The following CBL variants were observed in gnomAD, a reference collection of about 807,000 sequenced individuals.
CBL encodes Cbl proto-oncogene.
In CBL, 45 loss-of-function variants were observed where a neutral mutation model predicts 96.9. The ratio of observed to expected loss-of-function variants is 0.46; its 90% CI spans 0.37 to 0.60. CBL has a LOEUF of 0.60. Ranked by LOEUF, CBL falls within the 20% of genes least tolerant of loss-of-function variation. CBL has a pLI of 0.00. For synonymous variants in CBL, 420 were observed against 426.8 expected, an observed-to-expected ratio of 0.98 and a Z score of 0.20; for missense variants, 1,024 against 1,143.5, an observed-to-expected ratio of 0.90 and a Z score of 1.51.
intron 12 of CBL, 122 bp downstream of exon 12, chr11:119,288,068 G>T: frequency 5.7e-6 from 4 of 697,968 alleles, no homozygotes; most frequent in Non-Finnish European, 1.0e-5. Context: ...GCACCATGTA[G>T]AAATGATTAT....
At chr11:119,292,465 G>C (rs1950034375) in intron 12 of CBL, among the ~76,000 whole-genome samples, 1 of 150,886 alleles carries the variant, frequency 6.6e-6, no homozygotes, top group Non-Finnish European at 1.5e-5. Context: ...CTGTCACCCA[G>C]GCTGGAGTGC....
intron 5 of CBL, among the ~76,000 whole-genome samples, chr11:119,275,293 T>C (rs1001611044): frequency 2.0e-5 from 3 of 151,782 alleles, no homozygotes; most frequent in Non-Finnish European, 4.4e-5. Flanking sequence ...ACAAAAATTA[T>C]CCAGGTGTGG....
chr11:119,278,106 A>G, intron 7 of CBL, 60 bp from the exon 8 acceptor site: 1 of 1,358,046 alleles, frequency 7.4e-7, no homozygotes, highest in East Asian at 2.5e-5. Context: ...TTTTTCTGTT[A>G]ACATTTATAA....
chr11:119,236,091 C>T (rs1949543836), intron 2 of CBL, among the ~76,000 whole-genome samples: 1 of 151,866 alleles, frequency 6.6e-6, no homozygotes, highest in Non-Finnish European at 1.5e-5. Flanking sequence ...ATAAAATTTG[C>T]CCTTTTAAAG....
In CBL at chr11:119,261,473, GTC is replaced by G. The variant is rs534493472; in HGVS notation, c.444-10259_444-10258del. Among the ~76,000 whole-genome samples, 203 of 152,248 alleles carry G rather than the reference GTC, an allele frequency of 1.3e-3. 1 individual carries two copies. Among genetic ancestry groups the G allele is most frequent in the African/African-American group, 4.7e-3 (194 of 41,540 alleles). ...TATTTGATTAGATTCTATTAGTGCT[GTC>G]TCAGTATAATTTGTATCTGTATATT... On this transcript the variant is annotated intron_variant, in intron 2 of 15. Transcript: ENST00000264033.
rs1950073066 is a variant in CBL, at chr11:119,297,561, T to A, written c.2251+80T>A. 3 of 1,047,884 alleles carry A rather than the reference T, an allele frequency of 2.9e-6. No homozygotes were observed. In the Admixed American group the frequency reaches 5.2e-5, roughly 18 times the overall value. The allele number at this position is 1,047,884 out of a possible 1,614,324, so 64.9% of individuals were successfully genotyped here. Reference sequence around the variant, plus strand: ...TGTAATATTTGGCAATTGAGATAGCTTGATCTAAGCTCAAAATTCTTCTGT... The same window carrying A: ...TGTAATATTTGGCAATTGAGATAGCATGATCTAAGCTCAAAATTCTTCTGT... On this transcript the variant is annotated intron_variant, in intron 14 of 15. Transcript: ENST00000264033.
chr11:119,298,538 C>T lies in CBL; in HGVS notation c.2432C>T (p.Thr811Ile), dbSNP rs749068285. ...GWLSLDGDPT[T>I]NVTEGSQVPE... ...TTGTCTCTGGATGGTGATCCTACAA[C>T]AAGTGAGTCTCCAGACTACTTTGGG... Residue 811 changes from threonine (T) to isoleucine (I), a missense_variant and splice_region_variant, in exon 15 of 16, where the codon ACA (threonine) becomes ATA (isoleucine). Coordinates refer to ENST00000264033, the MANE Select transcript of CBL (RefSeq NM_005188.4). 5.0e-6 allele frequency: 8 copies of T among 1,613,986 alleles called. No homozygotes were observed. The highest frequency in any genetic ancestry group is 2.7e-5 in the African/African-American group (2 of 75,046).
At chr11:119,256,334 T>C (rs1224660610) in intron 2 of CBL, among the ~76,000 whole-genome samples, 1 of 151,934 alleles carries the variant, frequency 6.6e-6, no homozygotes, top group Non-Finnish European at 1.5e-5. Context: ...CATCCGCCGC[T>C]ACGCCCAGCT....
At chr11:119,241,970 C>T (rs1260562909) in intron 2 of CBL, among the ~76,000 whole-genome samples, 1 of 152,110 alleles carries the variant, frequency 6.6e-6, no homozygotes, top group Non-Finnish European at 1.5e-5. Context: ...AGCCACTGAA[C>T]TTTTGAACAG....
At chr11:119,214,807 G>A (rs1365704562) in intron 1 of CBL, among the ~76,000 whole-genome samples, 1 of 150,232 alleles carries the variant, frequency 6.7e-6, no homozygotes, top group Non-Finnish European at 1.5e-5. Context: ...TCTCTCTCTC[G>A]CCCATTAGAG....
chr11:119,278,755 T>C (rs912257973), intron 9 of CBL, 42 bp downstream of exon 9: 7 of 1,516,850 alleles, frequency 4.6e-6, no homozygotes, highest in Non-Finnish European at 6.4e-6. Context: ...CCATTGTGAG[T>C]TGTCTTCTAA....
At chr11:119,239,964 C>T (rs1036216373) in intron 2 of CBL, among the ~76,000 whole-genome samples, 1 of 152,032 alleles carries the variant, frequency 6.6e-6, no homozygotes, top group Non-Finnish European at 1.5e-5. Context: ...AACTTGTTGA[C>T]TCATAAAATT....
intron 12 of CBL, among the ~76,000 whole-genome samples, chr11:119,291,640 C>G (rs897121431): frequency 6.6e-6 from 1 of 152,140 alleles, no homozygotes; most frequent in Non-Finnish European, 1.5e-5. Flanking sequence ...CCCAGAAGGT[C>G]GAGGCTGTAG....
In CBL at chr11:119,300,395, C is replaced by A; in HGVS notation, c.*614C>A. On this transcript the variant is annotated 3_prime_UTR_variant, in exon 16 of 16. Transcript: ENST00000264033. ...TTAGAACACCTTCTGTCTGTTCTTT[C>A]CCCATCAACTCCTTCCTCATCCTTC... is the stretch of plus-strand genomic sequence containing the variant. 2.5e-6 allele frequency: 1 copy of A among 406,472 alleles called. No individual in the cohort carries two copies. The highest frequency in any genetic ancestry group is 4.1e-5 in the Admixed American group (1 of 24,586). 25.2% of individuals were successfully genotyped at this position (406,472 alleles called of 1,614,324 possible).
In CBL at chr11:119,300,158, C is replaced by T; in HGVS notation, c.*377C>T. On this transcript the variant is annotated 3_prime_UTR_variant, in exon 16 of 16. Transcript: ENST00000264033. Reference sequence around the variant, plus strand: ...AGGATGTGGCCGTGTGTGTGTGTGTCTGCCTGTGGTTGTATGTGTCCTTGT... The same window carrying T: ...AGGATGTGGCCGTGTGTGTGTGTGTTTGCCTGTGGTTGTATGTGTCCTTGT... The T allele has an allele frequency of 2.0e-6, 1 of 509,518 alleles. No homozygotes were observed. The highest frequency in any genetic ancestry group is 3.5e-6 in the Non-Finnish European group (1 of 288,278). The allele number at this position is 509,518 out of a possible 1,614,324, so 31.6% of individuals were successfully genotyped here. A position where few individuals can be genotyped will look rare whatever the true frequency, so the allele number is the denominator to read the frequency against.
Position 119,222,499 on chromosome 11 carries a change from G to GT in CBL, c.196-9946dup, listed in dbSNP as rs540243743. ...CTGTTGGTTTCCCGGAGCTAAGCAC[G>GT]TTTCTTTTTAACATTGTTCTGAGTG... On this transcript the variant is annotated intron_variant, in intron 1 of 15. Transcript: ENST00000264033. 3.9e-3 allele frequency among the ~76,000 whole-genome samples: 598 copies of GT among 152,262 alleles called. 2 individuals carry two copies. The highest frequency in any genetic ancestry group is 6.1e-3 in the Non-Finnish European group (415 of 68,020).
chr11:119,221,480 A>G (rs1220803470), intron 1 of CBL, among the ~76,000 whole-genome samples: 1 of 151,838 alleles, frequency 6.6e-6, no homozygotes, highest in Non-Finnish European at 1.5e-5. Context: ...AAAAAGCTTC[A>G]CTATAAGCTG....
chr11:119,246,897 T>C (rs1017210651), intron 2 of CBL, among the ~76,000 whole-genome samples: 1 of 152,246 alleles, frequency 6.6e-6, no homozygotes. Flanking sequence ...TTGGAAAATA[T>C]TGATTGACTA....
chr11:119,235,755 C>T (rs1321669852), intron 2 of CBL, among the ~76,000 whole-genome samples: 5 of 152,306 alleles, frequency 3.3e-5, no homozygotes, highest in Middle Eastern at 6.8e-3. Context: ...TACCAAATGA[C>T]TTCAGTACAT....
Sources: allele counts gnomAD v4.1 joint callset (sites outside exome capture counted in the v4.1 genomes callset), GRCh38; gene constraint gnomAD v4.1.1; transcripts MANE v1.5; gene names NCBI Gene and HGNC (gene_info 2026-07-23, HGNC 2026-07-21).